Variants in NCK2 observed in about 807,000 individuals in gnomAD.
NCK2 encodes the protein cytoplasmic protein NCK2.
In NCK2, 16 loss-of-function variants were observed where a neutral mutation model predicts 33.9. The ratio of observed to expected loss-of-function variants is 0.47; its 90% CI spans 0.32 to 0.72. The LOEUF is 0.72. Among genes scored for constraint, NCK2 ranks in the 30% least tolerant of loss-of-function variants. NCK2 has a pLI of 0.03. For synonymous variants in NCK2, 273 were observed against 239.9 expected, an observed-to-expected ratio of 1.14 and a Z score of -1.27; for missense variants, 418 against 537.3, an observed-to-expected ratio of 0.78 and a Z score of 2.19.
intron 2 of NCK2, among the ~76,000 whole-genome samples, chr2:105,826,221 G>A (rs889006564): frequency 3.5e-4 from 54 of 152,120 alleles, no homozygotes; most frequent in Admixed American, 1.4e-3. Context: ...TGAGCAAAGC[G>A]GGAAGAGCGG....
chr2:105,761,139 C>T (rs1199825616), intron 1 of NCK2, among the ~76,000 whole-genome samples: 8 of 152,172 alleles, frequency 5.3e-5, no homozygotes, highest in Admixed American at 2.0e-4. Context: ...TGTGCCTGCC[C>T]GCCCACCCTA....
intron 1 of NCK2, among the ~76,000 whole-genome samples, chr2:105,777,013 A>G (rs1382667148): frequency 1.3e-5 from 2 of 151,712 alleles, no homozygotes; most frequent in Non-Finnish European, 2.9e-5. Context: ...TTCCCCAGAG[A>G]TCAGAGACTA....
At chr2:105,833,902 T>G (rs534417158) in intron 2 of NCK2, among the ~76,000 whole-genome samples, 3 of 152,220 alleles carry the variant, frequency 2.0e-5, no homozygotes, top group African/African-American at 7.2e-5. Flanking sequence ...AATTTCTTCA[T>G]TGACTCATTG....
At chr2:105,817,709 C>T (rs1675550520) in intron 2 of NCK2, among the ~76,000 whole-genome samples, 2 of 152,082 alleles carry the variant, frequency 1.3e-5, no homozygotes, top group Non-Finnish European at 2.9e-5. Context: ...CAGAGAAATG[C>T]AAATCAAAAC....
At chr2:105,826,662 AT>A (rs977529214) in intron 2 of NCK2, among the ~76,000 whole-genome samples, 1 of 152,116 alleles carries the variant, frequency 6.6e-6, no homozygotes. Context: ...GGCCCCCTGG[AT>A]TTGGGTCATT....
intron 1 of NCK2, among the ~76,000 whole-genome samples, chr2:105,764,995 G>T (rs553539494): frequency 1.3e-5 from 2 of 149,838 alleles, no homozygotes; most frequent in South Asian, 2.1e-4. Flanking sequence ...ACGTCTCTGG[G>T]TATATTTCTC....
At chr2:105,848,849 G>T (rs772156881) in intron 2 of NCK2, among the ~76,000 whole-genome samples, 6 of 152,224 alleles carry the variant, frequency 3.9e-5, no homozygotes, top group Non-Finnish European at 8.8e-5. Flanking sequence ...CAGCGAAGTA[G>T]ATTGTGTTAT....
intron 3 of NCK2, among the ~76,000 whole-genome samples, chr2:105,870,784 T>C (rs775689506): frequency 1.3e-5 from 2 of 151,968 alleles, no homozygotes; most frequent in Non-Finnish European, 2.9e-5. Context: ...AAGGTAAATA[T>C]CCTGGAGTTA....
chr2:105,800,126 G>A (rs560530304), intron 1 of NCK2, among the ~76,000 whole-genome samples: 2 of 152,312 alleles, frequency 1.3e-5, no homozygotes, highest in African/African-American at 2.4e-5. Context: ...AGAAGAGAGG[G>A]TCAGTGCAGC....
rs557822109 is a variant in NCK2 at position 105,823,931 on chromosome 2, A to G, written c.-17+7318A>G. Among the ~76,000 whole-genome samples the G allele has an allele frequency of 2.0e-5, 3 of 152,138 alleles. No homozygotes were observed. The East Asian group carries it at 5.8e-4, about 29-fold the overall frequency. On this transcript the variant is annotated intron_variant, in intron 2 of 4. Transcript: ENST00000233154. ...GACCTTCCCGTGTGAAGGTCTACCC[A>G]GGTCACAGTGTGAACAACCCATGGT...
At position 105,747,187 on chromosome 2, in the gene NCK2, C is replaced by T. The variant is rs994598100; in HGVS notation, c.-201+2049C>T. The stretch of plus-strand genomic sequence containing the variant: ...CTTCTTCATCCTTGCTCTGTTTGAC[C>T]CTGCCATATTCCCAGGCTTTGTCAT... On this transcript the variant is annotated intron_variant, in intron 1 of 4. Coordinates refer to ENST00000233154, the MANE Select transcript of NCK2 (RefSeq NM_003581.5). Among the ~76,000 whole-genome samples, 7 of 152,152 alleles carry T rather than the reference C, an allele frequency of 4.6e-5. No individual in the cohort carries two copies. The South Asian group carries it at 1.2e-3, about 27-fold the overall frequency.
At chr2:105,832,310 T>C (rs1237198759) in intron 2 of NCK2, among the ~76,000 whole-genome samples, 1 of 152,200 alleles carries the variant, frequency 6.6e-6, no homozygotes, top group Non-Finnish European at 1.5e-5. Flanking sequence ...GTATGACTGC[T>C]TTTTCTTTTT....
chr2:105,793,234 G>A (rs374650580), intron 1 of NCK2, among the ~76,000 whole-genome samples: 2 of 151,700 alleles, frequency 1.3e-5, no homozygotes, highest in East Asian at 1.9e-4. Context: ...GGGAATGGGT[G>A]GAGAACTTCT....
At chr2:105,878,187 A>G (rs1316125905) in intron 3 of NCK2, among the ~76,000 whole-genome samples, 1 of 152,244 alleles carries the variant, frequency 6.6e-6, no homozygotes. Context: ...GCCACAGCTT[A>G]GTTAATAAGG....
chr2:105,837,656 C>A (rs1011913511), intron 2 of NCK2, among the ~76,000 whole-genome samples: 7 of 152,164 alleles, frequency 4.6e-5, no homozygotes, highest in Admixed American at 4.6e-4. Context: ...TGTCAGTATT[C>A]TGCATTACAA....
intron 2 of NCK2, among the ~76,000 whole-genome samples, chr2:105,851,349 C>T (rs570782602): frequency 6.6e-6 from 1 of 152,042 alleles, no homozygotes; most frequent in Non-Finnish European, 1.5e-5. Context: ...CTGCAACATC[C>T]GCCTCCCGGG....
rs1677843750 is a variant in NCK2 at position 105,868,380 on chromosome 2, A to G, written c.227-12948A>G. Among the ~76,000 whole-genome samples, 4 of 152,194 alleles carry G rather than the reference A, an allele frequency of 2.6e-5. No homozygotes were observed. The South Asian group carries it at 8.3e-4, about 31-fold the overall frequency. On this transcript the variant is annotated intron_variant, in intron 3 of 4. Transcript: ENST00000233154. Reference sequence around the variant, plus strand: ...AGAGCCACCCAGAGGGCAACTGTTCATAAGTTAAAGGCTGGGGTGGCCTGC... The same window carrying G: ...AGAGCCACCCAGAGGGCAACTGTTCGTAAGTTAAAGGCTGGGGTGGCCTGC...
At chr2:105,884,393 A>G (rs548641680) in intron 4 of NCK2, among the ~76,000 whole-genome samples, 59 of 152,090 alleles carry the variant, frequency 3.9e-4, no homozygotes, top group Non-Finnish European at 7.5e-4. Flanking sequence ...CAGGATGGAA[A>G]GGTTTCTGAG....
chr2:105,806,425 G>T (rs2104457295), intron 1 of NCK2, among the ~76,000 whole-genome samples: 1 of 152,086 alleles, frequency 6.6e-6, no homozygotes, highest in East Asian at 1.9e-4. Context: ...TTTTAGTAGA[G>T]ACGGGGTTTC....
Sources: gnomAD v4.1 joint callset for allele counts (sites outside exome capture counted in the v4.1 genomes callset) on GRCh38, gnomAD v4.1.1 for gene constraint, MANE v1.5 for transcripts, NCBI Gene and HGNC (gene_info 2026-07-23, HGNC 2026-07-21) for gene names.